Variants in ITGA4 observed in about 807,000 individuals in gnomAD.
ITGA4 encodes the protein integrin alpha-4.
Under a neutral mutation model 133.6 loss-of-function variants are expected in ITGA4, and 63 were observed. That is an observed-to-expected ratio of 0.47 (90% CI 0.38 to 0.58). The LOEUF (loss-of-function observed/expected upper bound fraction) is 0.58, where lower values mean the gene tolerates loss of function less well. ITGA4 is among the 20% of genes least tolerant of loss of function. The pLI, the probability that ITGA4 is intolerant of heterozygous loss-of-function variation, is 0.00. For missense variants in ITGA4, 1,076 were observed against 1,252.7 expected (o/e 0.86, Z 2.13); for synonymous variants, 483 against 438.0 (o/e 1.10, Z -1.28).
intron 2 of ITGA4, among the ~76,000 whole-genome samples, chr2:181,460,447 A>C (rs1685244614): frequency 6.6e-6 from 1 of 152,174 alleles, no homozygotes; most frequent in Admixed American, 6.5e-5. Flanking sequence ...AAAACACTAA[A>C]AACAATACAT....
At position 181,530,596 on chromosome 2, in the gene ITGA4, C is replaced by G; in HGVS notation, c.2611C>G (p.Gln871Glu). ...ATTAGAGCAGCAAAAGAGTGCAATG[C>G]AGACCTTGAAAGGCATAGTCCGGTT... is the stretch of plus-strand genomic sequence containing the variant. ...CALEQQKSAM[Q>E]TLKGIVRFLS... The change falls in exon 24 of 28, where the codon CAG becomes GAG. Residue 871 changes from glutamine to glutamate, a missense_variant. By Grantham distance (29) the Gln-to-Glu change is conservative. Transcript: ENST00000397033. 4.3e-6 allele frequency: 7 copies of G among 1,612,760 alleles called. No individual in the cohort carries two copies. Among genetic ancestry groups the G allele is most frequent in the South Asian group, 3.3e-5 (3 of 91,020 alleles).
At chr2:181,475,792 T>C (rs1574382766) in intron 4 of ITGA4, 2 of 1,583,990 alleles carry the variant, frequency 1.3e-6, no homozygotes, top group Non-Finnish European at 8.6e-7. Context: ...GTTTGAAACA[T>C]TTTTCTCATG....
At chr2:181,502,107 GA>G (rs1295471555) in intron 15 of ITGA4, among the ~76,000 whole-genome samples, 4 of 152,006 alleles carry the variant, frequency 2.6e-5, no homozygotes, top group Non-Finnish European at 4.4e-5. Context: ...GAAAAAAGGG[GA>G]AAGCATGATG....
intron 25 of ITGA4, among the ~76,000 whole-genome samples, chr2:181,532,986 T>C (rs1686975429): frequency 6.6e-6 from 1 of 152,078 alleles, no homozygotes; most frequent in Non-Finnish European, 1.5e-5. Flanking sequence ...ATTTTAAAAA[T>C]ATAGCTAAGA....
intron 4 of ITGA4, 75 bp downstream of exon 4, chr2:181,475,363 A>C: frequency 8.3e-7 from 1 of 1,199,828 alleles, no homozygotes. Context: ...ATTTATGTTC[A>C]AGTTTAGATG....
intron 2 of ITGA4, among the ~76,000 whole-genome samples, chr2:181,467,821 G>A (rs1480921405): frequency 6.6e-6 from 1 of 152,072 alleles, no homozygotes; most frequent in Non-Finnish European, 1.5e-5. Flanking sequence ...TTCCACTTAC[G>A]GATTTGGGCA....
At position 181,534,850 on chromosome 2, in the gene ITGA4, A is replaced by G; in HGVS notation, c.2918A>G (p.Lys973Arg). Residue 973 changes from lysine (K) to arginine (R), a missense_variant, in exon 27 of 28, where the codon AAA (lysine) becomes AGA (arginine). Lys to Arg is a conservative substitution (Grantham distance 26). Coordinates refer to ENST00000397033, the MANE Select transcript of ITGA4 (RefSeq NM_000885.6). ...GAAGGACTACATCATCAAAGACCCA[A>G]ACGTTATTTCACCATAGTGATTATT... ...LLEGLHHQRP[K>R]RYFTIVIISS... The G allele has an allele frequency of 1.2e-6, 2 of 1,601,586 alleles. No homozygotes were observed. The highest frequency in any genetic ancestry group is 1.7e-6 in the Non-Finnish European group (2 of 1,176,178).
chr2:181,475,217 C>T lies in ITGA4; in HGVS notation c.485C>T (p.Thr162Ile). 6.2e-7 allele frequency: 1 copy of T among 1,611,910 alleles called. No homozygotes were observed. Among genetic ancestry groups the T allele is most frequent in the Non-Finnish European group, 8.5e-7 (1 of 1,177,990 alleles). ...ATAAAGAATGAAAATAAGCTCCCCA[C>T]TGGTGGTTGCTATGGAGTGCCCCCT... ...FYIKNENKLP[T>I]GGCYGVPPDL... Residue 162 changes from threonine (T) to isoleucine (I), a missense_variant, in exon 4 of 28, where the codon ACT becomes ATT. By Grantham distance (89) the Thr-to-Ile change is moderately conservative. Around this residue, in one of 4 missense-constraint regions of ITGA4, gnomAD observed 436 missense variants for 590.7 expected, o/e 0.74. Coordinates refer to ENST00000397033, the MANE Select transcript of ITGA4 (RefSeq NM_000885.6).
Position 181,457,732 on chromosome 2 carries a change from G to A in ITGA4, c.78G>A (p.Leu26=). 1 of 1,612,908 alleles carries A rather than the reference G, an allele frequency of 6.2e-7. No homozygotes were observed. Among genetic ancestry groups the A allele is most frequent in the South Asian group, 1.1e-5 (1 of 90,942 alleles). The change falls in exon 1 of 28, where the codon CTG becomes CTA. Residue 26 remains leucine (L), a synonymous_variant. Transcript: ENST00000397033. ...VRETVMLLLC[L]GVPTGRPYNV... Reference sequence around the variant, plus strand: ...AGACGGTGATGCTGTTGCTGTGCCTGGGGGTCCCGACCGGCCGCCCCTACA... The same window carrying A: ...AGACGGTGATGCTGTTGCTGTGCCTAGGGGTCCCGACCGGCCGCCCCTACA...
chr2:181,523,550 A>C lies in ITGA4; in HGVS notation c.2169+18A>C, dbSNP rs751509535. 3 of 1,350,966 alleles carry C rather than the reference A, an allele frequency of 2.2e-6. No individual in the cohort carries two copies. The highest frequency in any genetic ancestry group is 3.2e-6 in the Non-Finnish European group (3 of 943,844). 83.7% of individuals were successfully genotyped at this position (1,350,966 alleles called of 1,614,324 possible). A position where few individuals can be genotyped will look rare whatever the true frequency, so the allele number is the denominator to read the frequency against. ...TCTCAAGGGTAAGTGTTTCATATTT[A>C]TGGCTTTTGTTCACTATCATGAATA... On this transcript the variant is annotated intron_variant, in intron 19 of 27. Transcript: ENST00000397033. The surrounding 1 kb of genome is among the most constrained non-coding windows in gnomAD (Gnocchi z 4.2).
At chr2:181,513,046 T>C (rs4667316) in intron 17 of ITGA4, among the ~76,000 whole-genome samples, 110,292 of 151,904 alleles carry the variant, frequency 0.73, 40,370 homozygotes, top group South Asian at 0.9. Flanking sequence ...CTCTTTTGAA[T>C]GTCTTATCCT....
At position 181,523,241 on chromosome 2, in the gene ITGA4, CACAT is replaced by C. The variant is rs974709259; in HGVS notation, c.2074-190_2074-187del. On this transcript the variant is annotated intron_variant, in intron 18 of 27. Transcript: ENST00000397033. The surrounding 1 kb of genome is among the most constrained non-coding windows in gnomAD (Gnocchi z 4.2). ...ACACATATATACATACATATATATA[CACAT>C]ACATATATACACACATGCACACATA... 1.7e-4 allele frequency: 77 copies of C among 457,650 alleles called. No homozygotes were observed. Among genetic ancestry groups the C allele is most frequent in the Middle Eastern group, 6.2e-4 (1 of 1,622 alleles). 28.3% of individuals were successfully genotyped at this position (457,650 alleles called of 1,614,324 possible). A position where few individuals can be genotyped will look rare whatever the true frequency, so the allele number is the denominator to read the frequency against.
At position 181,537,501 on chromosome 2, in the gene ITGA4, G is replaced by A. The variant is rs1687206365; in HGVS notation, c.*1974G>A. On this transcript the variant is annotated 3_prime_UTR_variant, in exon 28 of 28. Transcript: ENST00000397033. ...GGGATGGGTTATTCTTTTTTGGCAG[G>A]TAGGCTATATAACTATGTGATTTTG... 2.2e-6 allele frequency: 1 copy of A among 453,400 alleles called. No individual in the cohort carries two copies. The highest frequency in any genetic ancestry group is 2.0e-5 in the African/African-American group (1 of 49,954). 28.1% of individuals were successfully genotyped at this position (453,400 alleles called of 1,614,324 possible).
chr2:181,475,004 A>C lies in ITGA4; in HGVS notation c.364A>C (p.Arg122=), dbSNP rs1009330577. The part of the protein sequence containing the change: ...EPCGKTCLEE[R]DNQWLGVTLS... ...TTGTGGAAAGACTTGTTTGGAAGAG[A>C]GAGACAATCAGTGGTTGGGGGTCAC... Residue 122 remains arginine, a synonymous_variant, in exon 3 of 28, where the codon AGA becomes CGA. Coordinates refer to ENST00000397033, the MANE Select transcript of ITGA4 (RefSeq NM_000885.6). 20 of 1,614,108 alleles carry C rather than the reference A, an allele frequency of 1.2e-5. No individual in the cohort carries two copies. Among genetic ancestry groups the C allele is most frequent in the Non-Finnish European group, 1.6e-5 (19 of 1,179,976 alleles).
chr2:181,477,664 A>C (rs1310187473), intron 4 of ITGA4, among the ~76,000 whole-genome samples: 1 of 152,170 alleles, frequency 6.6e-6, no homozygotes, highest in African/African-American at 2.4e-5. Context: ...CACACCTATT[A>C]GAATTGTCAT....
At chr2:181,533,929 A>C (rs1559059487) in intron 25 of ITGA4, among the ~76,000 whole-genome samples, 1 of 152,182 alleles carries the variant, frequency 6.6e-6, no homozygotes, top group Non-Finnish European at 1.5e-5. Flanking sequence ...AATGTATTTA[A>C]TTTAGAAAGA....
intron 7 of ITGA4, 91 bp from the exon 8 acceptor site, chr2:181,482,269 G>T (rs1685822210): frequency 7.7e-7 from 1 of 1,291,614 alleles, no homozygotes; most frequent in East Asian, 2.5e-5. Flanking sequence ...ACTGCAAGTT[G>T]TAAAAATTCA....
At chr2:181,463,633 G>A (rs1337993755) in intron 2 of ITGA4, among the ~76,000 whole-genome samples, 1 of 151,982 alleles carries the variant, frequency 6.6e-6, no homozygotes, top group East Asian at 1.9e-4. Context: ...TACTGAAAAA[G>A]GGAAGAGCAG....
intron 4 of ITGA4, among the ~76,000 whole-genome samples, chr2:181,476,818 C>A (rs1685687084): frequency 6.6e-6 from 1 of 152,118 alleles, no homozygotes; most frequent in Admixed American, 6.5e-5. Flanking sequence ...TCCTTTGCAG[C>A]AACTTATATG....
Sources: gnomAD v4.1 joint callset for allele counts (sites outside exome capture counted in the v4.1 genomes callset) on GRCh38, gnomAD v4.1.1 for gene constraint, gnomAD v4.1.1 regional missense constraint, Gnocchi (gnomAD v3.1) non-coding constraint, MANE v1.5 for transcripts, NCBI Gene and HGNC (gene_info 2026-07-23, HGNC 2026-07-21) for gene names.